DNAH5: variants seen among roughly 807,000 people sequenced by gnomAD.
DNAH5 encodes the protein dynein axonemal heavy chain 5.
A neutral mutation model predicts 518.2 loss-of-function variants in DNAH5; 372 were observed. That is an observed-to-expected ratio of 0.72 (90% CI 0.66 to 0.78). The LOEUF (loss-of-function observed/expected upper bound fraction) is 0.78. Ranked by LOEUF, DNAH5 falls within the 30% of genes least tolerant of loss-of-function variation. The pLI is 0.00. For missense variants in DNAH5, 5,523 were observed against 5,687.0 expected, an observed-to-expected ratio of 0.97 and a Z score of 0.93; for synonymous variants, 2,039 against 2,025.9, an observed-to-expected ratio of 1.01 and a Z score of -0.17.
At position 13,864,908 on chromosome 5, in the gene DNAH5, A is replaced by G. The variant is rs150586241; in HGVS notation, c.4356-271T>C. On this transcript the variant is annotated intron_variant, in intron 27 of 78. Coordinates refer to ENST00000265104, the MANE Select transcript of DNAH5 (RefSeq NM_001369.3). ...ATTTTAGAGCGTAGAGGTGCTGCTCAAGCTAATTCAATTCTACAAACATGT... is the reference window on the plus strand; with the variant it reads ...ATTTTAGAGCGTAGAGGTGCTGCTCGAGCTAATTCAATTCTACAAACATGT... 1.7e-3 allele frequency among the ~76,000 whole-genome samples: 260 copies of G among 152,260 alleles called. 2 individuals carry two copies. Among genetic ancestry groups the G allele is most frequent in the African/African-American group, 5.8e-3 (242 of 41,548 alleles).
intron 30 of DNAH5, among the ~76,000 whole-genome samples, chr5:13,853,497 G>A (rs906687531): frequency 6.6e-6 from 1 of 152,068 alleles, no homozygotes; most frequent in African/African-American, 2.4e-5. Flanking sequence ...GCCAGCAAGG[G>A]AACAAAACTG....
In DNAH5 at chr5:13,809,134, A is replaced by G. The variant is rs1371379206; in HGVS notation, c.7662T>C (p.Asp2554=). The G allele has an allele frequency of 6.2e-7, 1 of 1,614,210 alleles. No homozygotes were observed. The highest frequency in any genetic ancestry group is 8.5e-7 in the Non-Finnish European group (1 of 1,180,038). Residue 2554 remains aspartate, a synonymous_variant, in exon 46 of 79, where the codon GAT becomes GAC. Coordinates refer to ENST00000265104, the MANE Select transcript of DNAH5 (RefSeq NM_001369.3). ...TRTQEYLYPS[D]TTPEYGSILV... Reference sequence around the variant, plus strand: ...GAATAGAACCATACTCTGGGGTGGTATCAGACGGATACAGGTATTCCTGGG... The same window carrying G: ...GAATAGAACCATACTCTGGGGTGGTGTCAGACGGATACAGGTATTCCTGGG...
chr5:13,908,568 T>C (rs751190298), intron 12 of DNAH5, among the ~76,000 whole-genome samples: 17 of 152,344 alleles, frequency 1.1e-4, no homozygotes, highest in Middle Eastern at 3.4e-3. Flanking sequence ...ATCTTCATAC[T>C]CGTCTTCACA....
At chr5:13,997,532 A>G (rs775551373) in intron 1 of DNAH5, among the ~76,000 whole-genome samples, 3 of 152,178 alleles carry the variant, frequency 2.0e-5, no homozygotes, top group Non-Finnish European at 4.4e-5. Context: ...CTCTACCAAC[A>G]TTCTGATCAC....
rs565791648 is a variant in DNAH5, at chr5:13,810,043, G to C, written c.7609+16C>G. 6.5e-7 allele frequency: 1 copy of C among 1,550,170 alleles called. No individual in the cohort carries two copies. Among genetic ancestry groups the C allele is most frequent in the Non-Finnish European group, 8.7e-7 (1 of 1,147,152 alleles). On this transcript the variant is annotated intron_variant, in intron 45 of 78. Coordinates refer to ENST00000265104, the MANE Select transcript of DNAH5 (RefSeq NM_001369.3). Reference sequence around the variant, plus strand: ...CGGCCCCCATGGGTTCCGTCTGGACGGGCAGGTGTCCTCACCATCGGGCGC... The same window carrying C: ...CGGCCCCCATGGGTTCCGTCTGGACCGGCAGGTGTCCTCACCATCGGGCGC...
chr5:13,860,097 C>A (rs1018044502), intron 29 of DNAH5, among the ~76,000 whole-genome samples: 16 of 152,172 alleles, frequency 1.1e-4, no homozygotes, highest in Non-Finnish European at 1.8e-4. Context: ...CTCTTTCTAA[C>A]TTCCCACGCA....
intron 42 of DNAH5, 150 bp from the exon 43 acceptor site, chr5:13,814,996 T>C (rs1761267431): frequency 1.2e-6 from 1 of 806,630 alleles, no homozygotes; most frequent in African/African-American, 1.7e-5. Flanking sequence ...TTACCTTGTT[T>C]TATTACAAAG....
intron 75 of DNAH5, among the ~76,000 whole-genome samples, chr5:13,708,980 T>A (rs1025128903): frequency 6.6e-6 from 1 of 152,244 alleles, no homozygotes; most frequent in Non-Finnish European, 1.5e-5. Context: ...TTTTTAGACA[T>A]TTTTATCACT....
At position 13,944,659 on chromosome 5, in the gene DNAH5, C is replaced by A; in HGVS notation, c.-221G>T. The A allele has an allele frequency of 1.8e-6, 1 of 568,160 alleles. No homozygotes were observed. Among genetic ancestry groups the A allele is most frequent in the Non-Finnish European group, 3.2e-6 (1 of 316,160 alleles). The allele number at this position is 568,160 out of a possible 1,614,324, so 35.2% of individuals were successfully genotyped here. A position where few individuals can be genotyped will look rare whatever the true frequency, so the allele number is the denominator to read the frequency against. ...TTCTCCTAGAGTGTCTGCCCTGGGC[C>A]TCTCCTCTCTCTCGAAGCCTGGTGT... On this transcript the variant is annotated 5_prime_UTR_variant, in exon 1 of 79. The change creates a new upstream start codon in the 5' untranslated region. Transcript: ENST00000265104.
Position 13,695,393 on chromosome 5 carries a change from A to G in DNAH5, c.13724-3258T>C, listed in dbSNP as rs113050038. Reference sequence around the variant, plus strand: ...CCCACTGCCTACAGTCTACCTTAGCAGGTACCTGAGAAAAATTAACTCAGG... The same window carrying G: ...CCCACTGCCTACAGTCTACCTTAGCGGGTACCTGAGAAAAATTAACTCAGG... On this transcript the variant is annotated intron_variant, in intron 78 of 78. Transcript: ENST00000265104. Among the ~76,000 whole-genome samples, 233 of 152,294 alleles carry G rather than the reference A, an allele frequency of 1.5e-3. 2 individuals carry two copies. Among genetic ancestry groups the G allele is most frequent in the African/African-American group, 5.3e-3 (222 of 41,556 alleles).
chr5:13,765,996 TC>T lies in DNAH5; in HGVS notation c.10080del (p.Asn3361ThrfsTer18), dbSNP rs750785582. The T allele has an allele frequency of 6.2e-7, 1 of 1,614,192 alleles. No individual in the cohort carries two copies. Among genetic ancestry groups the T allele is most frequent in the Non-Finnish European group, 8.5e-7 (1 of 1,180,012 alleles). On this transcript the variant is annotated frameshift_variant, in exon 59 of 79. Coordinates refer to ENST00000265104, the MANE Select transcript of DNAH5 (RefSeq NM_001369.3). LOFTEE classifies it high-confidence loss of function. ...WQESLKLMTA[G>X]NFLQNLQQFP... ...CCAACCTGTAAGTTCTGTAAAAAGT[TC>T]CCTGCAGTCATCAATTTTAAGGATT...
At position 13,766,011 on chromosome 5, in the gene DNAH5, A is replaced by T. The variant is rs138441172; in HGVS notation, c.10066T>A (p.Leu3356Met). The change falls in exon 59 of 79, where the codon TTG becomes ATG. Residue 3356 changes from leucine to methionine, a missense_variant. Coordinates refer to ENST00000265104, the MANE Select transcript of DNAH5 (RefSeq NM_001369.3). ...TMPSWQESLK[L>M]MTAGNFLQNL... ...TGTAAAAAGTTCCCTGCAGTCATCA[A>T]TTTTAAGGATTCCTGCCAGGAGGGC... is the stretch of plus-strand genomic sequence containing the variant. The T allele has an allele frequency of 5.6e-6, 9 of 1,614,070 alleles. No homozygotes were observed. Among genetic ancestry groups the T allele is most frequent in the Admixed American group, 1.7e-5 (1 of 60,006 alleles).
At chr5:13,927,383 A>C (rs1580929418) in intron 3 of DNAH5, among the ~76,000 whole-genome samples, 1 of 152,146 alleles carries the variant, frequency 6.6e-6, no homozygotes, top group East Asian at 1.9e-4. Flanking sequence ...TCCCAGCTAC[A>C]GGCTGGGACT....
intron 1 of DNAH5, among the ~76,000 whole-genome samples, chr5:13,993,069 A>C (rs561827035): frequency 1.3e-5 from 2 of 152,378 alleles, no homozygotes; most frequent in Non-Finnish European, 2.9e-5. Context: ...AGGGCAATGG[A>C]AAGTCATAGA....
At chr5:13,906,595 C>T (rs1775331789) in intron 12 of DNAH5, among the ~76,000 whole-genome samples, 1 of 152,136 alleles carries the variant, frequency 6.6e-6, no homozygotes, top group Non-Finnish European at 1.5e-5. Flanking sequence ...CCACGGAGGA[C>T]ATCTCAGTAA....
chr5:13,918,504 C>T (rs1776896722), intron 7 of DNAH5, among the ~76,000 whole-genome samples: 1 of 152,184 alleles, frequency 6.6e-6, no homozygotes, highest in African/African-American at 2.4e-5. Flanking sequence ...GAGTCTCACT[C>T]TGTCACCCAG....
intron 68 of DNAH5, among the ~76,000 whole-genome samples, chr5:13,734,027 A>C (rs1402480436): frequency 2.0e-5 from 3 of 152,086 alleles, no homozygotes; most frequent in Non-Finnish European, 4.4e-5. Context: ...ATATGTTGAA[A>C]CCCTATATCT....
intron 1 of DNAH5, among the ~76,000 whole-genome samples, chr5:13,962,977 C>G (rs2591536): frequency 0.85 from 128,952 of 151,950 alleles, 55,021 homozygotes; most frequent in East Asian, 1. Context: ...CCACCACAGT[C>G]GCCGCGTCCC....
intron 30 of DNAH5, among the ~76,000 whole-genome samples, chr5:13,856,044 G>T (rs1285690168): frequency 6.6e-6 from 1 of 152,128 alleles, no homozygotes; most frequent in Non-Finnish European, 1.5e-5. Context: ...GGAGAAAGTG[G>T]AAAAGATCTA....
Sources: gnomAD v4.1 joint callset for allele counts (sites outside exome capture counted in the v4.1 genomes callset) on GRCh38, gnomAD v4.1.1 for gene constraint, MANE v1.5 for transcripts, NCBI Gene and HGNC (gene_info 2026-07-23, HGNC 2026-07-21) for gene names.